Variants in SCN2A observed in about 807,000 individuals in gnomAD.
The protein encoded by SCN2A is sodium channel protein type 2 subunit alpha.
In SCN2A, 20 loss-of-function variants were observed where a neutral mutation model predicts 188.7. The observed-to-expected ratio is 0.11, with a 90% CI of 0.07 to 0.15. The LOEUF is 0.15. Among genes scored for constraint, SCN2A ranks in the 10% least tolerant of loss-of-function variants. SCN2A has a pLI of 1.00. For missense variants in SCN2A, 1,278 were observed against 2,445.0 expected, an observed-to-expected ratio of 0.52 and a Z score of 10.07; for synonymous variants, 804 against 833.1, an observed-to-expected ratio of 0.97 and a Z score of 0.60.
intron 1 of SCN2A, among the ~76,000 whole-genome samples, chr2:165,248,056 C>G (rs765840920): frequency 3.9e-5 from 6 of 151,962 alleles, no homozygotes; most frequent in Admixed American, 2.6e-4. Context: ...CAGAATATAC[C>G]CAGGATCTAT....
intron 23 of SCN2A, 72 bp downstream of exon 23, chr2:165,377,722 A>C: frequency 8.2e-7 from 1 of 1,222,044 alleles, no homozygotes. Flanking sequence ...ATTTAGTGAT[A>C]TTGTCAATAA....
In SCN2A at chr2:165,374,747, G is replaced by C. The variant is rs761599803; in HGVS notation, c.4035G>C (p.Leu1345=). ...PSIMNVLLVC[L]IFWLIFSIMG... is the part of the protein sequence containing the mutation. ...TCATGAATGTACTTCTGGTTTGTCT[G>C]ATCTTTTGGCTAATATTCAGTATCA... The change falls in exon 22 of 27, where the codon CTG becomes CTC. Residue 1345 remains leucine, a synonymous_variant. Coordinates refer to ENST00000375437, the MANE Select transcript of SCN2A (RefSeq NM_001040142.2). 6.2e-7 allele frequency: 1 copy of C among 1,613,422 alleles called. No individual in the cohort carries two copies. The highest frequency in any genetic ancestry group is 8.5e-7 in the Non-Finnish European group (1 of 1,179,596).
intron 14 of SCN2A, among the ~76,000 whole-genome samples, chr2:165,338,978 T>C (rs1339097731): frequency 6.6e-6 from 1 of 152,178 alleles, no homozygotes. Context: ...CCCAGCACTT[T>C]GTGAGGCTGA....
chr2:165,307,233 T>G (rs1427272102), intron 3 of SCN2A, among the ~76,000 whole-genome samples: 1 of 152,176 alleles, frequency 6.6e-6, no homozygotes, highest in African/African-American at 2.4e-5. Flanking sequence ...TGTTACATGA[T>G]TACTTTTTCT....
At chr2:165,295,086 G>C (rs947078725) in intron 1 of SCN2A, among the ~76,000 whole-genome samples, 5 of 152,182 alleles carry the variant, frequency 3.3e-5, no homozygotes, top group African/African-American at 1.2e-4. Context: ...CTCTGATGTG[G>C]ATGACTTCCT....
chr2:165,327,544 A>T (rs191886198), intron 13 of SCN2A: 1 of 155,916 alleles, frequency 6.4e-6, no homozygotes, highest in Admixed American at 6.3e-5. Context: ...AGCAGTCTGG[A>T]TCTCAGAATG....
chr2:165,299,848 C>T (rs1464229554), intron 3 of SCN2A, among the ~76,000 whole-genome samples: 1 of 152,116 alleles, frequency 6.6e-6, no homozygotes, highest in East Asian at 1.9e-4. Flanking sequence ...AGTTTATAAA[C>T]CAACAAGGAG....
intron 1 of SCN2A, among the ~76,000 whole-genome samples, chr2:165,259,022 C>T (rs1026285317): frequency 1.9e-4 from 29 of 152,264 alleles, no homozygotes; most frequent in Middle Eastern, 6.8e-3. Context: ...TAATCTATAT[C>T]CCTGTTACAT....
chr2:165,376,038 C>T (rs1306136721), intron 22 of SCN2A, among the ~76,000 whole-genome samples: 1 of 151,672 alleles, frequency 6.6e-6, no homozygotes, highest in Non-Finnish European at 1.5e-5. Context: ...TGACAATCAC[C>T]AGGGGCTGGG....
chr2:165,376,585 A>G (rs1440081723), intron 22 of SCN2A, among the ~76,000 whole-genome samples: 2 of 151,946 alleles, frequency 1.3e-5, no homozygotes, highest in African/African-American at 2.4e-5. Flanking sequence ...CTGACTATGC[A>G]TTTGGTAGCA....
rs1553563652 is a variant in SCN2A, at chr2:165,291,572, C to CT, written c.-51-4201_-51-4200insT. On this transcript the variant is annotated intron_variant, in intron 1 of 26. Transcript: ENST00000375437. ...TCCTTCCTTCCTTCCTTCCTTCCTTCCTTTCTCTCTCTCTCTCTCTCTCTC... is the reference window on the plus strand; with the variant it reads ...TCCTTCCTTCCTTCCTTCCTTCCTTCTCTTTCTCTCTCTCTCTCTCTCTCTC... 7.5e-5 allele frequency among the ~76,000 whole-genome samples: 5 copies of CT among 66,288 alleles called. No homozygotes were observed. The Admixed American group carries it at 8.6e-4, about 11-fold the overall frequency. The allele number at this position is 66,288 out of a possible 152,430, so 43.5% of individuals were successfully genotyped here.
intron 25 of SCN2A, 39 bp from the exon 26 acceptor site, chr2:165,386,707 A>G (rs1044718541): frequency 1.3e-6 from 2 of 1,583,704 alleles, no homozygotes; most frequent in Non-Finnish European, 8.6e-7. Context: ...GATTTTTTTT[A>G]AGGTTTCTAA....
intron 1 of SCN2A, among the ~76,000 whole-genome samples, chr2:165,253,546 G>C (rs558433431): frequency 1.3e-5 from 2 of 152,186 alleles, no homozygotes; most frequent in South Asian, 4.1e-4. Flanking sequence ...ACACAGCCAT[G>C]CTTATTTTTA....
chr2:165,388,735 A>G lies in SCN2A; in HGVS notation c.4929A>G (p.Ala1643=), dbSNP rs1702007270. 1 of 1,613,894 alleles carries G rather than the reference A, an allele frequency of 6.2e-7. No individual in the cohort carries two copies. The highest frequency in any genetic ancestry group is 1.1e-5 in the South Asian group (1 of 91,078). Residue 1643 remains alanine (A), a synonymous_variant, in exon 27 of 27, where the codon GCA becomes GCG. Coordinates refer to ENST00000375437, the MANE Select transcript of SCN2A (RefSeq NM_001040142.2). ...IGRILRLIKG[A]KGIRTLLFAL... The stretch of plus-strand genomic sequence containing the variant: ...GAATCCTACGTCTGATCAAAGGAGC[A>G]AAGGGGATCCGCACGCTGCTCTTTG...
chr2:165,300,183 C>T (rs988975525), intron 3 of SCN2A, among the ~76,000 whole-genome samples: 2 of 152,130 alleles, frequency 1.3e-5, no homozygotes, highest in South Asian at 2.1e-4. Flanking sequence ...AAATGTGTTT[C>T]CTGTCAGCTT....
At chr2:165,335,253 T>TG (rs1210304196) in intron 14 of SCN2A, among the ~76,000 whole-genome samples, 1 of 151,536 alleles carries the variant, frequency 6.6e-6, no homozygotes, top group Non-Finnish European at 1.5e-5. Flanking sequence ...AGTGATAAAT[T>TG]GACTGTAAAT....
At chr2:165,265,563 G>C (rs10930154) in intron 1 of SCN2A, among the ~76,000 whole-genome samples, 3 of 122,528 alleles carry the variant, frequency 2.4e-5, no homozygotes, top group Admixed American at 8.8e-5. Context: ...ATCTTTTATC[G>C]TATCCCTTAA....
intron 23 of SCN2A, 36 bp from the exon 24 acceptor site, chr2:165,380,556 C>T (rs375414410): frequency 2.7e-6 from 4 of 1,482,698 alleles, no homozygotes; most frequent in Non-Finnish European, 2.8e-6. Context: ...GAAACAAGTA[C>T]TAGATATAAT....
chr2:165,310,952 G>A (rs995227823), intron 7 of SCN2A, among the ~76,000 whole-genome samples: 36 of 152,064 alleles, frequency 2.4e-4, no homozygotes, highest in African/African-American at 7.5e-4. Context: ...AATGTGTTAA[G>A]AAGACTGAGG....
Sources: gnomAD v4.1 joint callset for allele counts (sites outside exome capture counted in the v4.1 genomes callset) on GRCh38, gnomAD v4.1.1 for gene constraint, MANE v1.5 for transcripts, NCBI Gene and HGNC (gene_info 2026-07-23, HGNC 2026-07-21) for gene names.